The following CTNNA3 variants were observed in gnomAD, a reference collection of about 807,000 sequenced individuals.
CTNNA3 encodes catenin alpha 3.
Under a neutral mutation model 95.7 loss-of-function variants are expected in CTNNA3, and 76 were observed. That is an observed-to-expected ratio of 0.79 (90% confidence interval 0.66 to 0.96). The LOEUF is 0.96. Ranked by LOEUF, CTNNA3 falls within the 40% of genes least tolerant of loss-of-function variation. The pLI is 0.00. For synonymous variants in CTNNA3, 431 were observed against 374.4 expected (o/e 1.15, Z -1.74); for missense variants, 1,191 against 1,089.8 (o/e 1.09, Z -1.31).
chr10:67,154,174 T>C (rs186018324), intron 7 of CTNNA3, among the ~76,000 whole-genome samples: 1 of 152,326 alleles, frequency 6.6e-6, no homozygotes, highest in East Asian at 1.9e-4. Context: ...AGGAATGTTT[T>C]ATAACTTTTA....
intron 7 of CTNNA3, among the ~76,000 whole-genome samples, chr10:66,792,593 C>A (rs936077647): frequency 6.6e-6 from 1 of 152,076 alleles, no homozygotes; most frequent in Middle Eastern, 3.2e-3. Flanking sequence ...ATTTTCTGTT[C>A]TTTTGCTTTT....
At chr10:67,176,749 C>G (rs1862259937) in intron 7 of CTNNA3, among the ~76,000 whole-genome samples, 1 of 152,122 alleles carries the variant, frequency 6.6e-6, no homozygotes, top group African/African-American at 2.4e-5. Flanking sequence ...GAGAATCTTT[C>G]CAAGGTGTGG....
chr10:66,260,151 T>A (rs1195415716), intron 13 of CTNNA3, among the ~76,000 whole-genome samples: 8 of 152,184 alleles, frequency 5.3e-5, no homozygotes, highest in Non-Finnish European at 1.2e-4. Context: ...CAACTGTTTA[T>A]TCTTCTCCTT....
chr10:66,526,796 T>C (rs1841283595), intron 10 of CTNNA3, among the ~76,000 whole-genome samples: 1 of 152,168 alleles, frequency 6.6e-6, no homozygotes, highest in Admixed American at 6.5e-5. Context: ...TTAAATTGTT[T>C]TTTCTTGTTG....
chr10:66,854,087 A>G (rs1843599495), intron 7 of CTNNA3, among the ~76,000 whole-genome samples: 1 of 152,182 alleles, frequency 6.6e-6, no homozygotes, highest in African/African-American at 2.4e-5. Flanking sequence ...AAATGCCCTC[A>G]TTTCTTATTT....
intron 7 of CTNNA3, among the ~76,000 whole-genome samples, chr10:66,911,383 G>A (rs1846216853): frequency 6.6e-6 from 1 of 152,122 alleles, no homozygotes; most frequent in African/African-American, 2.4e-5. Context: ...CTATTATAAT[G>A]CAAAGAAAAC....
At chr10:67,754,787 T>C (rs1424042054) in intron 1 of CTNNA3, among the ~76,000 whole-genome samples, 1 of 152,170 alleles carries the variant, frequency 6.6e-6, no homozygotes, top group Non-Finnish European at 1.5e-5. Flanking sequence ...AAACTACGTA[T>C]CTGACAAAGG....
chr10:66,304,443 A>C (rs1248000743), intron 12 of CTNNA3, among the ~76,000 whole-genome samples: 2 of 152,176 alleles, frequency 1.3e-5, no homozygotes, highest in Non-Finnish European at 2.9e-5. Flanking sequence ...TAAATTGTTC[A>C]TAGTAGCTTT....
chr10:67,501,721 A>T (rs767448876), intron 5 of CTNNA3, among the ~76,000 whole-genome samples: 3 of 152,038 alleles, frequency 2.0e-5, no homozygotes, highest in Non-Finnish European at 4.4e-5. Flanking sequence ...GTTGATCTTC[A>T]ATCTCTGATA....
intron 7 of CTNNA3, among the ~76,000 whole-genome samples, chr10:66,928,677 T>C (rs1236229942): frequency 6.6e-6 from 1 of 152,188 alleles, no homozygotes; most frequent in Non-Finnish European, 1.5e-5. Flanking sequence ...ACAATCAATG[T>C]GAAGCTTGAA....
At chr10:67,567,389 T>C (rs1394554921) in intron 3 of CTNNA3, among the ~76,000 whole-genome samples, 3 of 151,936 alleles carry the variant, frequency 2.0e-5, no homozygotes, top group African/African-American at 7.3e-5. Flanking sequence ...AAAAATTGTG[T>C]ATAAATGAAT....
intron 9 of CTNNA3, among the ~76,000 whole-genome samples, chr10:66,622,276 A>G (rs1026854609): frequency 6.6e-6 from 1 of 152,178 alleles, no homozygotes; most frequent in Non-Finnish European, 1.5e-5. Flanking sequence ...GAACAAATAC[A>G]AGATAATTAA....
intron 7 of CTNNA3, among the ~76,000 whole-genome samples, chr10:66,976,282 G>A (rs1850024829): frequency 6.6e-6 from 1 of 152,162 alleles, no homozygotes; most frequent in African/African-American, 2.4e-5. Flanking sequence ...GGGAATCAGG[G>A]ACGATACCCC....
chr10:66,486,002 C>T (rs978494622), intron 11 of CTNNA3, among the ~76,000 whole-genome samples: 1 of 152,138 alleles, frequency 6.6e-6, no homozygotes, highest in Non-Finnish European at 1.5e-5. Flanking sequence ...TAACAAATGG[C>T]ACTGATAAAA....
At chr10:67,440,423 C>T (rs1846460965) in intron 5 of CTNNA3, among the ~76,000 whole-genome samples, 1 of 152,130 alleles carries the variant, frequency 6.6e-6, no homozygotes, top group African/African-American at 2.4e-5. Flanking sequence ...ACTTTCCACT[C>T]TGAAGGGAAG....
intron 9 of CTNNA3, among the ~76,000 whole-genome samples, chr10:66,682,657 GTT>G (rs148139914): frequency 2.0e-5 from 3 of 148,572 alleles, no homozygotes; most frequent in African/African-American, 7.4e-5. Context: ...TTTTATTTCT[GTT>G]TTCTTTCTTT....
intron 3 of CTNNA3, among the ~76,000 whole-genome samples, chr10:67,570,442 C>A (rs1191027205): frequency 6.6e-6 from 1 of 152,100 alleles, no homozygotes; most frequent in Non-Finnish European, 1.5e-5. Flanking sequence ...AATTTTTCTA[C>A]ATTAATACAT....
At chr10:66,205,783 T>C (rs2087718259) in intron 13 of CTNNA3, among the ~76,000 whole-genome samples, 1 of 152,044 alleles carries the variant, frequency 6.6e-6, no homozygotes. Flanking sequence ...ATGATCCATT[T>C]ATCCATAAAG....
At chr10:66,772,582 C>G (rs1010381173) in intron 8 of CTNNA3, among the ~76,000 whole-genome samples, 2 of 152,078 alleles carry the variant, frequency 1.3e-5, no homozygotes, top group African/African-American at 4.8e-5. Flanking sequence ...CCTAGAACAC[C>G]ATGCCAAGAA....
Sources: allele counts gnomAD v4.1 joint callset (sites outside exome capture counted in the v4.1 genomes callset), GRCh38; gene constraint gnomAD v4.1.1; transcripts MANE v1.5; gene names NCBI Gene and HGNC (gene_info 2026-07-23, HGNC 2026-07-21).